The following SNX18 variants were observed in gnomAD, a reference collection of about 807,000 sequenced individuals.
The protein encoded by SNX18 is sorting nexin 18, also known as sorting nexin-18.
A neutral mutation model predicts 48.7 loss-of-function variants in SNX18; 35 were observed. The ratio of observed to expected loss-of-function variants is 0.72; its 90% CI spans 0.55 to 0.95. SNX18 has a LOEUF of 0.95. SNX18 is among the 40% of genes least tolerant of loss of function. The pLI is 0.00. For synonymous variants in SNX18, 492 were observed against 384.7 expected (o/e 1.28, Z -3.26); for missense variants, 824 against 871.0 (o/e 0.95, Z 0.68).
downstream of SNX18, among the ~76,000 whole-genome samples, chr5:54,550,387 T>C (rs1013472058): frequency 6.6e-6 from 1 of 151,978 alleles, no homozygotes; most frequent in Non-Finnish European, 1.5e-5. Context: ...GGTGGTCTCA[T>C]AACAAATTTC....
the SNX18 span, among the ~76,000 whole-genome samples, chr5:54,630,963 A>C: frequency 6.6e-6 from 1 of 152,138 alleles, no homozygotes; most frequent in East Asian, 1.9e-4. Context: ...CACCCAGAGG[A>C]GCCCAGGTTT....
At chr5:54,634,496 T>G in the SNX18 span, among the ~76,000 whole-genome samples, 6 of 152,194 alleles carry the variant, frequency 3.9e-5, no homozygotes, top group African/African-American at 1.2e-4. Context: ...CACAATTTCA[T>G]AAACTTTTCT....
chr5:54,599,324 G>A, the SNX18 span, among the ~76,000 whole-genome samples: 1 of 152,042 alleles, frequency 6.6e-6, no homozygotes, highest in Non-Finnish European at 1.5e-5. Context: ...GCTCAAGGAA[G>A]CCAGAGAGGA....
the SNX18 span, among the ~76,000 whole-genome samples, chr5:54,586,723 T>G: frequency 5.3e-5 from 8 of 152,192 alleles, no homozygotes; most frequent in African/African-American, 1.9e-4. Context: ...CAATGGCAAT[T>G]GAATTTCAAC....
downstream of SNX18, among the ~76,000 whole-genome samples, chr5:54,549,737 C>T (rs1408868241): frequency 6.6e-6 from 1 of 152,152 alleles, no homozygotes; most frequent in Non-Finnish European, 1.5e-5. Flanking sequence ...GGACCTAGGA[C>T]AGAGAGAGGC....
the SNX18 span, among the ~76,000 whole-genome samples, chr5:54,635,751 C>G: frequency 6.6e-6 from 1 of 152,154 alleles, no homozygotes; most frequent in African/African-American, 2.4e-5. Context: ...TGTACAGGGC[C>G]CCATGCTCAG....
In SNX18 at chr5:54,518,749, G is replaced by A. The variant is rs781715622; in HGVS notation, c.797G>A (p.Gly266Asp). 2 of 1,606,226 alleles carry A rather than the reference G, an allele frequency of 1.2e-6. No individual in the cohort carries two copies. Among genetic ancestry groups the A allele is most frequent in the Non-Finnish European group, 1.7e-6 (2 of 1,175,898 alleles). ...CTGTGCGTGGTGCTGGGGCCCTATG[G>A]CCCCGAGTGGCAGGAGAACCCCTAC... ...DKLCVVLGPY[G>D]PEWQENPYPF... The change falls in exon 1 of 2, where the codon GGC (glycine) becomes GAC (aspartate). Residue 266 changes from glycine to aspartate, a missense_variant. Coordinates refer to ENST00000381410, the MANE Select transcript of SNX18 (RefSeq NM_001102575.2).
chr5:54,544,993 G>A lies in SNX18; in HGVS notation c.*1561G>A, dbSNP rs1208736734. On this transcript the variant is annotated 3_prime_UTR_variant, in exon 2 of 2. Coordinates refer to ENST00000381410, the MANE Select transcript of SNX18 (RefSeq NM_001102575.2). ...TCACAAAGATTAAAGAAAAGGATCA[G>A]TTTGCAGATACTCAGAAAAGGTTAT... The A allele has an allele frequency of 6.6e-6, 1 of 152,150 alleles. No homozygotes were observed. Among genetic ancestry groups the A allele is most frequent in the African/African-American group, 2.4e-5 (1 of 41,440 alleles). 9.4% of individuals were successfully genotyped at this position (152,150 alleles called of 1,614,324 possible). A position where few individuals can be genotyped will look rare whatever the true frequency, so the allele number is the denominator to read the frequency against.
intron 1 of SNX18, among the ~76,000 whole-genome samples, chr5:54,542,719 T>C (rs1429077916): frequency 6.6e-6 from 1 of 152,256 alleles, no homozygotes; most frequent in African/African-American, 2.4e-5. Flanking sequence ...CTGAATTATT[T>C]AGTGAGACTT....
the SNX18 span, among the ~76,000 whole-genome samples, chr5:54,555,862 A>G: frequency 6.6e-6 from 1 of 152,078 alleles, no homozygotes; most frequent in African/African-American, 2.4e-5. Flanking sequence ...AAAGAAAAAA[A>G]GATTGGGTAA....
chr5:54,533,582 C>T (rs2112850038), intron 1 of SNX18, among the ~76,000 whole-genome samples: 1 of 152,338 alleles, frequency 6.6e-6, no homozygotes, highest in African/African-American at 2.4e-5. Flanking sequence ...CCCAGGTTCA[C>T]ATGCAGCTGG....
chr5:54,565,097 A>G, the SNX18 span, among the ~76,000 whole-genome samples: 2 of 152,124 alleles, frequency 1.3e-5, no homozygotes, highest in Non-Finnish European at 2.9e-5. Context: ...TAAGGACCCA[A>G]TTTGGGTCTA....
In SNX18 at chr5:54,519,519, G is replaced by T; in HGVS notation, c.1567G>T (p.Ala523Ser). ...CCTGGATCCCGTCATGGACCTATTA[G>T]CGCTGTATCAGGGGCATCTGGCTAA... ...QDLDPVMDLLALYQGHLANFP... is the reference protein window; with the variant it reads ...QDLDPVMDLLSLYQGHLANFP... Residue 523 changes from alanine to serine, a missense_variant, in exon 1 of 2, where the codon GCG becomes TCG. Coordinates refer to ENST00000381410, the MANE Select transcript of SNX18 (RefSeq NM_001102575.2). The T allele has an allele frequency of 6.2e-7, 1 of 1,614,244 alleles. No homozygotes were observed. The highest frequency in any genetic ancestry group is 8.5e-7 in the Non-Finnish European group (1 of 1,180,040).
the SNX18 span, among the ~76,000 whole-genome samples, chr5:54,584,047 T>C: frequency 2.6e-5 from 1 of 39,000 alleles, no homozygotes; most frequent in Admixed American, 2.9e-4. Context: ...TGTGTAGCTC[T>C]TTTTTTTTTT....
In SNX18 at chr5:54,525,121, T is replaced by TTA. The variant is rs1406239343; in HGVS notation, c.1621+5548_1621+5549insTA. Among the ~76,000 whole-genome samples, 4 of 152,242 alleles carry TTA rather than the reference T, an allele frequency of 2.6e-5. No individual in the cohort carries two copies. In the East Asian group the frequency reaches 7.7e-4, roughly 29 times the overall value. Reference sequence around the variant, plus strand: ...TTTGGACAAGCTATTTTAACCTGCGTAACGCTCACTTATCTTTGGCCAAGT... The same window carrying TTA: ...TTTGGACAAGCTATTTTAACCTGCGTTAAACGCTCACTTATCTTTGGCCAAGT... On this transcript the variant is annotated intron_variant, in intron 1 of 1. Transcript: ENST00000381410.
the SNX18 span, among the ~76,000 whole-genome samples, chr5:54,627,927 C>T: frequency 6.6e-6 from 1 of 152,190 alleles, no homozygotes; most frequent in African/African-American, 2.4e-5. Context: ...TGTTCTTGAG[C>T]TCCTGGAGCC....
At position 54,546,021 on chromosome 5, in the gene SNX18, T is replaced by C. The variant is rs1762572605; in HGVS notation, c.*2589T>C. 1 of 152,156 alleles carries C rather than the reference T, an allele frequency of 6.6e-6. No individual in the cohort carries two copies. The highest frequency in any genetic ancestry group is 1.5e-5 in the Non-Finnish European group (1 of 68,046). The allele number at this position is 152,156 out of a possible 1,614,324, so 9.4% of individuals were successfully genotyped here. ...CGCAGCGAGACTGGTTCTACAGCCA[T>C]GTGTCGTAATCTTGTTCCCCGTCCA... On this transcript the variant is annotated 3_prime_UTR_variant, in exon 2 of 2. Coordinates refer to ENST00000381410, the MANE Select transcript of SNX18 (RefSeq NM_001102575.2).
the SNX18 span, among the ~76,000 whole-genome samples, chr5:54,556,006 G>A: frequency 6.6e-6 from 1 of 152,052 alleles, no homozygotes; most frequent in African/African-American, 2.4e-5. Flanking sequence ...TAAACTGCTT[G>A]GTCAGCCCTC....
the SNX18 span, among the ~76,000 whole-genome samples, chr5:54,582,609 A>C: frequency 2.6e-5 from 4 of 152,052 alleles, no homozygotes; most frequent in Admixed American, 6.6e-5. Context: ...ACTAAAAAAA[A>C]CCAAAAAACA....
Sources: gnomAD v4.1 joint callset for allele counts (sites outside exome capture counted in the v4.1 genomes callset) on GRCh38, gnomAD v4.1.1 for gene constraint, MANE v1.5 for transcripts, NCBI Gene and HGNC (gene_info 2026-07-23, HGNC 2026-07-21) for gene names.